RBFOX1: variants seen among roughly 807,000 people sequenced by gnomAD.
The protein encoded by RBFOX1 is RNA binding protein fox-1 homolog 1.
Under a neutral mutation model 57.7 loss-of-function variants are expected in RBFOX1, and 8 were observed. The ratio of observed to expected loss-of-function variants is 0.14; its 90% confidence interval spans 0.08 to 0.25. The LOEUF (loss-of-function observed/expected upper bound fraction) is 0.25. Ranked by LOEUF, RBFOX1 falls within the 10% of genes least tolerant of loss-of-function variation. RBFOX1 has a pLI of 1.00. For synonymous variants in RBFOX1, 326 were observed against 222.4 expected (o/e 1.47, Z -4.15); for missense variants, 611 against 548.5 (o/e 1.11, Z -1.14).
At chr16:7,709,369 G>A in intron 15 of RBFOX1, 1 of 1,130,566 alleles carries the variant, frequency 8.8e-7, no homozygotes, top group Admixed American at 3.3e-5. Context: ...TCACCTAGCA[G>A]AGCACTTACC....
chr16:6,366,841 C>G (rs891398162), intron 2 of RBFOX1, among the ~76,000 whole-genome samples: 3 of 152,108 alleles, frequency 2.0e-5, no homozygotes, highest in African/African-American at 4.8e-5. Flanking sequence ...TGCTTTTGTG[C>G]TTTTCTGTCT....
chr16:5,837,448 T>G (rs1176486491), intron 3 of RBFOX1, among the ~76,000 whole-genome samples: 1 of 152,022 alleles, frequency 6.6e-6, no homozygotes, highest in Non-Finnish European at 1.5e-5. Context: ...TCTGAGAGAT[T>G]GCATAAGCTT....
intron 14 of RBFOX1, among the ~76,000 whole-genome samples, chr16:7,688,916 C>T (rs1057427947): frequency 6.6e-6 from 1 of 152,022 alleles, no homozygotes; most frequent in Admixed American, 6.6e-5. Context: ...GACATCACAC[C>T]TCACTGCTGA....
intron 2 of RBFOX1, among the ~76,000 whole-genome samples, chr16:6,386,891 GAT>G (rs766083112): frequency 3.9e-5 from 6 of 152,174 alleles, no homozygotes; most frequent in Non-Finnish European, 8.8e-5. Flanking sequence ...GAGCTGGAAA[GAT>G]ATTGGATTGT....
chr16:5,662,460 C>T (rs529724716), intron 3 of RBFOX1, among the ~76,000 whole-genome samples: 3 of 152,136 alleles, frequency 2.0e-5, no homozygotes, highest in African/African-American at 2.4e-5. Flanking sequence ...CCCATACACT[C>T]ATAAGAAAAT....
intron 3 of RBFOX1, among the ~76,000 whole-genome samples, chr16:7,046,156 C>T (rs1335852282): frequency 2.0e-5 from 3 of 151,754 alleles, no homozygotes; most frequent in South Asian, 2.1e-4. Flanking sequence ...ATTGCATCAG[C>T]CATTTAGTTT....
In RBFOX1 at chr16:5,718,621, G is replaced by T. The variant is rs142594920; in HGVS notation, c.318+119660G>T. ...TTTACAAACTGTGTTAAACTTTCTG[G>T]CCTGGCTGGACATGGTAGCTCATGC... On this transcript the variant is annotated intron_variant, in intron 3 of 19. Transcript: ENST00000641259. Among the ~76,000 whole-genome samples the T allele has an allele frequency of 6.5e-3, 985 of 152,270 alleles. 17 individuals carry two copies. Among genetic ancestry groups the T allele is most frequent in the African/African-American group, 0.023 (946 of 41,544 alleles).
intron 3 of RBFOX1, among the ~76,000 whole-genome samples, chr16:5,855,294 T>C (rs1416235636): frequency 1.3e-5 from 2 of 152,178 alleles, no homozygotes; most frequent in Non-Finnish European, 2.9e-5. Flanking sequence ...AAAAATTCAC[T>C]ACGCAGACCA....
At chr16:7,164,907 C>G (rs571378713) in intron 4 of RBFOX1, among the ~76,000 whole-genome samples, 2 of 152,160 alleles carry the variant, frequency 1.3e-5, no homozygotes, top group African/African-American at 2.4e-5. Flanking sequence ...TTGTTTGCTT[C>G]TTGAATTAAT....
chr16:6,807,666 T>A (rs1360081901), intron 3 of RBFOX1, among the ~76,000 whole-genome samples: 3 of 151,768 alleles, frequency 2.0e-5, no homozygotes, highest in Non-Finnish European at 2.9e-5. Context: ...AAATAAAAAA[T>A]TTGGCTGGGC....
intron 4 of RBFOX1, among the ~76,000 whole-genome samples, chr16:5,953,499 C>G (rs1189281022): frequency 1.3e-5 from 2 of 151,998 alleles, no homozygotes. Flanking sequence ...CCTTCCCACC[C>G]TTTCCCCCCG....
chr16:5,314,123 C>T (rs1358602972), intron 1 of RBFOX1, among the ~76,000 whole-genome samples: 1 of 152,194 alleles, frequency 6.6e-6, no homozygotes, highest in Admixed American at 6.5e-5. Flanking sequence ...ATCTGATGAG[C>T]TGGGTGCTGT....
In RBFOX1 at chr16:7,575,895, T is replaced by A. The variant is rs367776732; in HGVS notation, c.271-3882T>A. ...CTCTGTCATCTCCTGCTGCATTTCA[T>A]CCTTCCCACTATCCTGTGAGCTTAG... is the stretch of plus-strand genomic sequence containing the variant. On this transcript the variant is annotated intron_variant, in intron 5 of 15. Coordinates refer to ENST00000550418, the MANE Select transcript of RBFOX1 (RefSeq NM_018723.4). Among the ~76,000 whole-genome samples, 98 of 152,266 alleles carry A rather than the reference T, an allele frequency of 6.4e-4. 1 individual carries two copies. The highest frequency in any genetic ancestry group is 2.9e-3 in the East Asian group (15 of 5,168).
chr16:7,187,590 G>A (rs766551507), intron 4 of RBFOX1, among the ~76,000 whole-genome samples: 1 of 149,544 alleles, frequency 6.7e-6, no homozygotes, highest in Non-Finnish European at 1.5e-5. Context: ...TCGGGAGGTT[G>A]AGGCAGGAGA....
intron 3 of RBFOX1, among the ~76,000 whole-genome samples, chr16:6,934,361 G>C (rs1488069514): frequency 6.6e-6 from 1 of 152,114 alleles, no homozygotes; most frequent in African/African-American, 2.4e-5. Flanking sequence ...TAATAAATAT[G>C]TGAGTATTTT....
At chr16:7,225,919 T>TATATATATATATATATATATATA (rs1315130232) in intron 4 of RBFOX1, among the ~76,000 whole-genome samples, 1 of 142,142 alleles carries the variant, frequency 7.0e-6, no homozygotes, top group Non-Finnish European at 1.5e-5. Flanking sequence ...TATATATATA[T>TATATATATATATATATATATATA]AAATGTGAAT....
At chr16:6,521,769 T>C (rs1402008469) in intron 2 of RBFOX1, among the ~76,000 whole-genome samples, 1 of 152,110 alleles carries the variant, frequency 6.6e-6, no homozygotes, top group Non-Finnish European at 1.5e-5. Flanking sequence ...GTAAACATGA[T>C]TTCTATCTCC....
intron 3 of RBFOX1, among the ~76,000 whole-genome samples, chr16:6,996,202 C>T (rs188271237): frequency 2.8e-4 from 43 of 152,264 alleles, no homozygotes; most frequent in African/African-American, 8.9e-4. Flanking sequence ...TTTTTGATTT[C>T]CTAGCCATCT....
At chr16:7,488,508 A>G (rs1254164544) in intron 4 of RBFOX1, among the ~76,000 whole-genome samples, 1 of 152,022 alleles carries the variant, frequency 6.6e-6, no homozygotes, top group South Asian at 2.1e-4. Flanking sequence ...ACATTCATCC[A>G]TTGTCTACCT....
Sources: allele counts gnomAD v4.1 joint callset (sites outside exome capture counted in the v4.1 genomes callset), GRCh38; gene constraint gnomAD v4.1.1; transcripts MANE v1.5; gene names NCBI Gene and HGNC (gene_info 2026-07-23, HGNC 2026-07-21).